The following PSTPIP1 variants were observed in gnomAD, a reference collection of about 807,000 sequenced individuals.
PSTPIP1 encodes the protein proline-serine-threonine phosphatase interacting protein 1.
In PSTPIP1, 66 loss-of-function variants were observed where a neutral mutation model predicts 69.6. That is an observed-to-expected ratio of 0.95 (90% CI 0.78 to 1.16). The LOEUF is 1.16. Among genes scored for constraint, PSTPIP1 ranks in the 50% most tolerant of loss-of-function variants. The probability of loss-of-function intolerance (pLI) is 0.00; values close to 1 mark genes in which losing one functional copy is unlikely to be tolerated. For synonymous variants in PSTPIP1, 266 were observed against 222.7 expected (o/e 1.19, Z -1.73); for missense variants, 603 against 557.4 (o/e 1.08, Z -0.82).
intron 1 of PSTPIP1, among the ~76,000 whole-genome samples, chr15:77,010,232 G>A (rs983112671): frequency 3.9e-5 from 6 of 152,186 alleles, no homozygotes; most frequent in African/African-American, 1.4e-4. Flanking sequence ...GTGTAACCTG[G>A]ACAAGTCACT....
At chr15:76,994,998 G>A (rs986779953), upstream of PSTPIP1, 9 of 1,181,072 alleles carry the variant, frequency 7.6e-6, no homozygotes, top group African/African-American at 3.2e-5. Flanking sequence ...AAGTGAGCCC[G>A]CACCTCGGGA....
At chr15:77,004,665 G>A (rs1483755390) in intron 1 of PSTPIP1, among the ~76,000 whole-genome samples, 1 of 147,322 alleles carries the variant, frequency 6.8e-6, no homozygotes, top group Non-Finnish European at 1.5e-5. Flanking sequence ...ACCAGTCTGG[G>A]CAACATGGTG....
chr15:77,020,864 C>T (rs1310975534), intron 3 of PSTPIP1, among the ~76,000 whole-genome samples: 1 of 26,208 alleles, frequency 3.8e-5, no homozygotes, highest in Non-Finnish European at 9.4e-5. Flanking sequence ...ATCTTAGACT[C>T]CTGTGGGGGG....
chr15:77,021,600 A>G (rs920542191), intron 3 of PSTPIP1, among the ~76,000 whole-genome samples: 5 of 152,084 alleles, frequency 3.3e-5, no homozygotes, highest in Non-Finnish European at 5.9e-5. Flanking sequence ...AATCACTTGA[A>G]CCTGGGAGAC....
At chr15:77,032,535 G>C (rs775344858) in intron 11 of PSTPIP1, 141 bp downstream of exon 11, 1 of 887,412 alleles carries the variant, frequency 1.1e-6, no homozygotes, top group Non-Finnish European at 1.7e-6. Context: ...CAGGGGTTGT[G>C]GGGAGTTGGG....
chr15:77,030,420 G>C, intron 8 of PSTPIP1, 82 bp from the exon 9 acceptor site: 3 of 1,421,182 alleles, frequency 2.1e-6, no homozygotes, highest in Non-Finnish European at 2.9e-6. Context: ...AGTGGGAGGA[G>C]GCATCCAGGA....
intron 1 of PSTPIP1, among the ~76,000 whole-genome samples, chr15:77,001,333 C>A (rs1484534077): frequency 6.6e-6 from 1 of 152,184 alleles, no homozygotes; most frequent in Non-Finnish European, 1.5e-5. Flanking sequence ...TTTGGGATCC[C>A]CCATAGTCCT....
rs1287554133 is a variant in PSTPIP1 at position 77,000,490 on chromosome 15, C to T, written c.36+4881C>T. 1.8e-3 allele frequency among the ~76,000 whole-genome samples: 273 copies of T among 148,628 alleles called. 5 individuals are homozygous for T. The highest frequency in any genetic ancestry group is 6.8e-3 in the African/African-American group (262 of 38,278). On this transcript the variant is annotated intron_variant, in intron 1 of 14. Transcript: ENST00000558012. Reference sequence around the variant, plus strand: ...ATATATATATATACACACACACACACACACACACACACATACACACACACA... The same window carrying T: ...ATATATATATATACACACACACACATACACACACACACATACACACACACA...
chr15:77,037,434 C>G lies in PSTPIP1; in HGVS notation c.*258C>G. The G allele has an allele frequency of 1.3e-5, 5 of 381,024 alleles. No individual in the cohort carries two copies. In the South Asian group the frequency reaches 1.5e-4, roughly 12 times the overall value. 23.6% of individuals were successfully genotyped at this position (381,024 alleles called of 1,614,324 possible). On this transcript the variant is annotated 3_prime_UTR_variant, in exon 15 of 15. Coordinates refer to ENST00000558012, the MANE Select transcript of PSTPIP1 (RefSeq NM_003978.5). ...CAAGGGAAGGAGCCTGGATGTGGAG[C>G]TCCCCAACTCAGCCGAGGCTTCAGC...
intron 3 of PSTPIP1, chr15:77,024,531 G>A (rs559327368): frequency 1.9e-4 from 29 of 152,314 alleles, no homozygotes; most frequent in Admixed American, 1.9e-3. Context: ...TGGATGCCCA[G>A]GTGAACGTGA....
At chr15:77,026,059 G>A (rs2076273812) in intron 5 of PSTPIP1, 1 of 457,400 alleles carries the variant, frequency 2.2e-6, no homozygotes, top group South Asian at 1.5e-5. Flanking sequence ...ACAGACTGGG[G>A]TGGGAGAGTT....
At chr15:77,034,026 C>T (rs1056850841) in intron 12 of PSTPIP1, among the ~76,000 whole-genome samples, 10 of 151,946 alleles carry the variant, frequency 6.6e-5, no homozygotes, top group Non-Finnish European at 1.3e-4. Flanking sequence ...AGGAGTGGCC[C>T]CAGAGAGGAT....
intron 1 of PSTPIP1, among the ~76,000 whole-genome samples, chr15:77,017,332 G>A (rs1321916894): frequency 6.6e-6 from 1 of 152,194 alleles, no homozygotes; most frequent in Non-Finnish European, 1.5e-5. Flanking sequence ...TGCACAGTGA[G>A]AAAGGAGAAT....
intron 7 of PSTPIP1, 132 bp downstream of exon 7, chr15:77,028,784 A>G (rs2076347704): frequency 2.5e-6 from 2 of 784,926 alleles, no homozygotes; most frequent in Non-Finnish European, 3.8e-6. Flanking sequence ...CTGACCCCCA[A>G]TCTCCCCATC....
At chr15:77,005,655 C>T (rs375139167) in intron 1 of PSTPIP1, among the ~76,000 whole-genome samples, 7 of 152,218 alleles carry the variant, frequency 4.6e-5, no homozygotes, top group Admixed American at 1.3e-4. Flanking sequence ...ACCCCTTCAC[C>T]GCATACCTTG....
intron 11 of PSTPIP1, 119 bp from the exon 12 acceptor site, chr15:77,032,743 C>G (rs985012068): frequency 1.3e-5 from 11 of 826,732 alleles, no homozygotes; most frequent in Non-Finnish European, 7.7e-6. Context: ...AGACAGGCAC[C>G]TCCTCAGGCA....
chr15:77,032,901 C>A lies in PSTPIP1; in HGVS notation c.878C>A (p.Thr293Asn). ...PYQNYYDREVTPLTSSPGIQP... is the reference protein window; with the variant it reads ...PYQNYYDREVNPLTSSPGIQP... ...CAGAACTATTACGATCGGGAGGTCA[C>A]CCCGCTGACCAGCAGCCCTGGCATA... Residue 293 changes from threonine (T) to asparagine (N), a missense_variant, in exon 12 of 15, where the codon ACC becomes AAC. Coordinates refer to ENST00000558012, the MANE Select transcript of PSTPIP1 (RefSeq NM_003978.5). 6.2e-7 allele frequency: 1 copy of A among 1,604,178 alleles called. No homozygotes were observed. Among genetic ancestry groups the A allele is most frequent in the Non-Finnish European group, 8.5e-7 (1 of 1,175,948 alleles).
rs2076605246 is a variant in PSTPIP1 at position 77,037,286 on chromosome 15, A to G, written c.*110A>G. 13 of 1,402,166 alleles carry G rather than the reference A, an allele frequency of 9.3e-6. No homozygotes were observed. The Middle Eastern group carries it at 1.3e-3, about 135-fold the overall frequency. 86.9% of individuals were successfully genotyped at this position (1,402,166 alleles called of 1,614,324 possible). A position where few individuals can be genotyped will look rare whatever the true frequency, so the allele number is the denominator to read the frequency against. On this transcript the variant is annotated 3_prime_UTR_variant, in exon 15 of 15. Transcript: ENST00000558012. ...GAACCAAGCGTCCCCCAGCCCCGAG[A>G]GGGAGCCTGTCGTCTCCCAGGGAAT...
Position 77,031,222 on chromosome 15 carries a change from A to C in PSTPIP1, c.685A>C (p.Asn229His). The C allele has an allele frequency of 6.2e-7, 1 of 1,613,094 alleles. No individual in the cohort carries two copies. Among genetic ancestry groups the C allele is most frequent in the Non-Finnish European group, 8.5e-7 (1 of 1,179,692 alleles). The change falls in exon 10 of 15, where the codon AAC (asparagine) becomes CAC (histidine). Residue 229 changes from asparagine (N) to histidine (H), a missense_variant. By Grantham distance (68) the Asn-to-His change is moderately conservative. Transcript: ENST00000558012. ...QEFDRLTILR[N>H]ALWVHSNQLS... Reference sequence around the variant, plus strand: ...GTTTGACCGGCTGACCATTCTCCGCAACGCCCTGTGGGTGCACAGCAACCA... The same window carrying C: ...GTTTGACCGGCTGACCATTCTCCGCCACGCCCTGTGGGTGCACAGCAACCA...
Sources: gnomAD v4.1 joint callset for allele counts (sites outside exome capture counted in the v4.1 genomes callset) on GRCh38, gnomAD v4.1.1 for gene constraint, MANE v1.5 for transcripts, NCBI Gene and HGNC (gene_info 2026-07-23, HGNC 2026-07-21) for gene names.